The following NUP160 variants were observed in gnomAD, a reference collection of about 807,000 sequenced individuals.
NUP160 encodes the protein nuclear pore complex protein Nup160.
Under a neutral mutation model 196.9 loss-of-function variants are expected in NUP160, and 94 were observed. The observed-to-expected ratio is 0.48, with a 90% CI of 0.40 to 0.57. The LOEUF (loss-of-function observed/expected upper bound fraction) is 0.57. Ranked by LOEUF, NUP160 falls within the 20% of genes least tolerant of loss-of-function variation. The pLI, the probability that NUP160 is intolerant of heterozygous loss-of-function variation, is 0.00. For missense variants in NUP160, 1,638 were observed against 1,748.3 expected (o/e 0.94, Z 1.13); for synonymous variants, 605 against 619.7 (o/e 0.98, Z 0.35).
intron 27 of NUP160, chr11:47,796,293 CA>C: frequency 2.9e-6 from 2 of 691,024 alleles, no homozygotes; most frequent in Admixed American, 1.9e-5. Flanking sequence ...CAAATTTTAC[CA>C]AAAATCAAAG....
chr11:47,824,778 T>C (rs1251488039), intron 7 of NUP160, among the ~76,000 whole-genome samples: 1 of 151,836 alleles, frequency 6.6e-6, no homozygotes, highest in Non-Finnish European at 1.5e-5. Context: ...TAGCTAGTAA[T>C]GCAGGCATGT....
At chr11:47,798,702 C>T (rs530407737) in intron 23 of NUP160, among the ~76,000 whole-genome samples, 1 of 151,992 alleles carries the variant, frequency 6.6e-6, no homozygotes, top group Admixed American at 6.6e-5. Context: ...TGGTGGCATG[C>T]GCCTGTAGTT....
chr11:47,785,075 C>G lies in NUP160; in HGVS notation c.3849-12G>C. ...CTTCATCTGTAGCACTTGAAAAAAA[C>G]AAAAATGACTAATGAGTTTCAGATT... On this transcript the variant is annotated splice_polypyrimidine_tract_variant and intron_variant, in intron 32 of 35. Transcript: ENST00000378460. The G allele has an allele frequency of 6.7e-7, 1 of 1,489,874 alleles. No individual in the cohort carries two copies. Among genetic ancestry groups the G allele is most frequent in the Non-Finnish European group, 9.1e-7 (1 of 1,101,060 alleles). 92.3% of individuals were successfully genotyped at this position (1,489,874 alleles called of 1,614,324 possible). A position where few individuals can be genotyped will look rare whatever the true frequency, so the allele number is the denominator to read the frequency against.
At chr11:47,826,713 C>T (rs1472850509) in intron 7 of NUP160, among the ~76,000 whole-genome samples, 1 of 152,062 alleles carries the variant, frequency 6.6e-6, no homozygotes, top group Admixed American at 6.6e-5. Flanking sequence ...AAGATGCCCG[C>T]CACCACGCTT....
At position 47,792,005 on chromosome 11, in the gene NUP160, C is replaced by T. The variant is rs773322676; in HGVS notation, c.3451-15G>A. Reference sequence around the variant, plus strand: ...GGGCGATCATACTGATAAAACAAAACAAGCAATTTAACTGTGAAAATCAGT... The same window carrying T: ...GGGCGATCATACTGATAAAACAAAATAAGCAATTTAACTGTGAAAATCAGT... On this transcript the variant is annotated splice_polypyrimidine_tract_variant and intron_variant, in intron 28 of 35. Coordinates refer to ENST00000378460, the Ensembl canonical transcript of NUP160. 2 of 1,582,812 alleles carry T rather than the reference C, an allele frequency of 1.3e-6. No individual in the cohort carries two copies. The highest frequency in any genetic ancestry group is 3.6e-5 in the Admixed American group (2 of 56,166).
intron 4 of NUP160, among the ~76,000 whole-genome samples, chr11:47,838,330 A>G (rs2135400763): frequency 6.6e-6 from 1 of 152,282 alleles, no homozygotes; most frequent in African/African-American, 2.4e-5. Flanking sequence ...GAACAGATGA[A>G]GTTGGAGACA....
At chr11:47,783,029 T>C in intron 34 of NUP160, 44 bp downstream of exon 34, 2 of 1,547,556 alleles carry the variant, frequency 1.3e-6, no homozygotes, top group Non-Finnish European at 1.8e-6. Context: ...TGAAAAATCG[T>C]AAGTCAAACC....
intron 27 of NUP160, among the ~76,000 whole-genome samples, 154 bp from the exon 28 acceptor site, chr11:47,793,100 C>T (rs1020082925): frequency 2.0e-5 from 3 of 152,128 alleles, no homozygotes; most frequent in African/African-American, 7.2e-5. Context: ...GATTCTCCTG[C>T]CTCAGCCTCC....
intron 19 of NUP160, 48 bp from the exon 20 acceptor site, chr11:47,806,360 T>A: frequency 6.9e-7 from 1 of 1,439,830 alleles, no homozygotes; most frequent in Non-Finnish European, 9.6e-7. Flanking sequence ...TAATTATCAA[T>A]TTTCAATTAA....
chr11:47,816,588 A>C (rs900073005), intron 11 of NUP160, among the ~76,000 whole-genome samples: 1 of 152,124 alleles, frequency 6.6e-6, no homozygotes, highest in East Asian at 1.9e-4. Flanking sequence ...AAGCTTGGCC[A>C]ATATGGCAAA....
chr11:47,816,161 C>G (rs982604506), intron 11 of NUP160, 132 bp from the exon 12 acceptor site: 2 of 557,670 alleles, frequency 3.6e-6, no homozygotes, highest in African/African-American at 3.9e-5. Flanking sequence ...ACACATCACC[C>G]AAGAGAAAGT....
chr11:47,839,040 G>A (rs924579073), intron 4 of NUP160, among the ~76,000 whole-genome samples: 2 of 151,284 alleles, frequency 1.3e-5, no homozygotes, highest in African/African-American at 4.8e-5. Flanking sequence ...GTTGTGTCAT[G>A]TCACTGCACT....
intron 34 of NUP160, among the ~76,000 whole-genome samples, chr11:47,780,952 T>G (rs2097660407): frequency 6.6e-6 from 1 of 152,046 alleles, no homozygotes; most frequent in African/African-American, 2.4e-5. Context: ...ATTTAAAAAT[T>G]CATGTCGGCT....
At chr11:47,784,053 C>A (rs571483227) in intron 33 of NUP160, among the ~76,000 whole-genome samples, 3 of 150,706 alleles carry the variant, frequency 2.0e-5, no homozygotes, top group East Asian at 3.9e-4. Flanking sequence ...CAAAACAAAA[C>A]AAAAAAAACC....
rs917692993 is a variant in NUP160, at chr11:47,835,554, C to T, written c.1101+97G>A. On this transcript the variant is annotated intron_variant, in intron 7 of 35. Coordinates refer to ENST00000378460, the Ensembl canonical transcript of NUP160. ...CATCACCTCAGAAACACATCTAGGT[C>T]GGTGAAAAGAGCTTGAACAGACTCA... 8 of 971,660 alleles carry T rather than the reference C, an allele frequency of 8.2e-6. No homozygotes were observed. In the South Asian group the frequency reaches 9.6e-5, roughly 12 times the overall value. 60.2% of individuals were successfully genotyped at this position (971,660 alleles called of 1,614,324 possible). A position where few individuals can be genotyped will look rare whatever the true frequency, so the allele number is the denominator to read the frequency against.
At chr11:47,799,233 G>A (rs986264377) in intron 23 of NUP160, among the ~76,000 whole-genome samples, 3 of 151,814 alleles carry the variant, frequency 2.0e-5, no homozygotes, top group African/African-American at 7.3e-5. Context: ...TTACAGGCAT[G>A]CCCCACCACG....
chr11:47,796,466 C>T (rs1272037360), intron 27 of NUP160: 6 of 277,282 alleles, frequency 2.2e-5, no homozygotes, highest in African/African-American at 4.5e-5. Context: ...GAAGGACCAG[C>T]AAAAACAAAC....
chr11:47,814,626 T>C (rs2097683276), intron 13 of NUP160, among the ~76,000 whole-genome samples: 1 of 151,834 alleles, frequency 6.6e-6, no homozygotes, highest in African/African-American at 2.4e-5. Flanking sequence ...TATATATATA[T>C]ATGTTATATT....
chr11:47,809,528 C>G (rs190172874), intron 17 of NUP160, among the ~76,000 whole-genome samples: 191 of 152,058 alleles, frequency 1.3e-3, no homozygotes, highest in African/African-American at 4.3e-3. Context: ...GCAGGCAGAT[C>G]ACTTGAGGCC....
Sources: gnomAD v4.1 joint callset for allele counts (sites outside exome capture counted in the v4.1 genomes callset) on GRCh38, gnomAD v4.1.1 for gene constraint, MANE v1.5 for transcripts, NCBI Gene and HGNC (gene_info 2026-07-23, HGNC 2026-07-21) for gene names.